Variants in MICU1 observed in about 807,000 individuals in gnomAD.
MICU1 encodes the protein calcium uptake protein 1, mitochondrial.
Under a neutral mutation model 56.8 loss-of-function variants are expected in MICU1, and 45 were observed. The observed-to-expected ratio is 0.79, with a 90% CI of 0.62 to 1.02. MICU1 has a LOEUF of 1.02. MICU1 is among the 50% of genes least tolerant of loss of function. MICU1 has a pLI of 0.00. For missense variants in MICU1, 504 were observed against 587.1 expected (o/e 0.86, Z 1.46); for synonymous variants, 186 against 195.1 (o/e 0.95, Z 0.39).
At chr10:72,402,969 T>A (rs1469913263) in intron 10 of MICU1, among the ~76,000 whole-genome samples, 1 of 152,160 alleles carries the variant, frequency 6.6e-6, no homozygotes, top group Non-Finnish European at 1.5e-5. Context: ...TGCTTGAGCC[T>A]TGGACATGGA....
chr10:72,453,852 TG>T (rs903079779), intron 8 of MICU1, among the ~76,000 whole-genome samples: 1 of 150,674 alleles, frequency 6.6e-6, no homozygotes, highest in African/African-American at 2.4e-5. Flanking sequence ...TATTCTTTTT[TG>T]AGATGGAGTT....
intron 10 of MICU1, among the ~76,000 whole-genome samples, chr10:72,389,896 A>C (rs948347954): frequency 1.3e-5 from 2 of 152,226 alleles, no homozygotes; most frequent in Non-Finnish European, 2.9e-5. Flanking sequence ...CAGACCACTT[A>C]AATCAATCAG....
intron 6 of MICU1, among the ~76,000 whole-genome samples, chr10:72,492,363 G>A (rs1866686353): frequency 6.6e-6 from 1 of 152,192 alleles, no homozygotes; most frequent in African/African-American, 2.4e-5. Flanking sequence ...TTAGACATGG[G>A]TAGTAGTAGC....
At chr10:72,385,914 G>C (rs1372814247) in intron 10 of MICU1, among the ~76,000 whole-genome samples, 1 of 152,172 alleles carries the variant, frequency 6.6e-6, no homozygotes, top group Non-Finnish European at 1.5e-5. Context: ...TGGTGGCAAG[G>C]AGCTGTAGTC....
rs754124319 is a variant in MICU1, at chr10:72,533,760, G to A, written c.523C>T (p.Arg175Cys). 80 of 1,601,302 alleles carry A rather than the reference G, an allele frequency of 5.0e-5. No homozygotes were observed. In the South Asian group the frequency reaches 7.6e-4, roughly 15 times the overall value. Residue 175 changes from arginine to cysteine, a missense_variant, in exon 5 of 12, where the codon CGC becomes TGC. Transcript: ENST00000361114. ...HLGLDQYIIK[R>C]FDGKKISQER... ...AGTTTGCTCACCTTTCCATCAAAGC[G>A]TTTTATTATATATTGATCCAGACCC...
At chr10:72,485,554 A>T (rs1866442126) in intron 6 of MICU1, among the ~76,000 whole-genome samples, 1 of 143,858 alleles carries the variant, frequency 7.0e-6, no homozygotes, top group African/African-American at 2.5e-5. Flanking sequence ...GTTTCCAGTT[A>T]AAAAAAAAAA....
At chr10:72,488,078 C>T (rs1403793015) in intron 6 of MICU1, among the ~76,000 whole-genome samples, 2 of 151,778 alleles carry the variant, frequency 1.3e-5, no homozygotes, top group Admixed American at 6.6e-5. Flanking sequence ...TGCCTGTAAT[C>T]CCAGCTACTC....
chr10:72,584,390 A>AT (rs1174327779), intron 1 of MICU1, among the ~76,000 whole-genome samples: 2 of 152,220 alleles, frequency 1.3e-5, no homozygotes, highest in Non-Finnish European at 2.9e-5. Context: ...AAAACCAACC[A>AT]TTCAGGTAAT....
At chr10:72,460,592 G>A (rs929606933) in intron 8 of MICU1, among the ~76,000 whole-genome samples, 5 of 152,116 alleles carry the variant, frequency 3.3e-5, no homozygotes, top group Admixed American at 2.6e-4. Flanking sequence ...ATAATCTGAT[G>A]TAATTTATGA....
intron 5 of MICU1, among the ~76,000 whole-genome samples, chr10:72,509,186 T>C (rs930592052): frequency 2.0e-5 from 3 of 152,208 alleles, no homozygotes; most frequent in African/African-American, 7.2e-5. Flanking sequence ...CCACAAGTTC[T>C]AGACCACCAA....
chr10:72,594,609 A>G (rs1038555084), intron 1 of MICU1, among the ~76,000 whole-genome samples: 1 of 152,156 alleles, frequency 6.6e-6, no homozygotes, highest in Middle Eastern at 3.2e-3. Context: ...TCAATGGAGT[A>G]AAAAGATAGC....
At chr10:72,616,586 TAAA>T in intron 1 of MICU1, among the ~76,000 whole-genome samples, 1 of 96,458 alleles carries the variant, frequency 1.0e-5, no homozygotes. Flanking sequence ...AAACTCCATC[TAAA>T]AAAAAAAAAA....
intron 10 of MICU1, among the ~76,000 whole-genome samples, chr10:72,382,149 C>T (rs915192527): frequency 6.6e-6 from 1 of 151,316 alleles, no homozygotes; most frequent in Non-Finnish European, 1.5e-5. Context: ...CTTGCTCTGT[C>T]GCCCAGGCTG....
In MICU1 at chr10:72,605,662, T is replaced by C. The variant is rs1354613212; in HGVS notation, c.-2+20348A>G. ...TATTTACCTAACAGTTACACTGTAG[T>C]AGATATGAGTAGTTTAGAGATGATT... On this transcript the variant is annotated intron_variant, in intron 1 of 11. Coordinates refer to ENST00000361114, the MANE Select transcript of MICU1 (RefSeq NM_001195518.2). 3.3e-5 allele frequency among the ~76,000 whole-genome samples: 5 copies of C among 152,156 alleles called. No individual in the cohort carries two copies. The East Asian group carries it at 9.6e-4, about 29-fold the overall frequency.
At chr10:72,426,483 G>A (rs999065495) in intron 8 of MICU1, among the ~76,000 whole-genome samples, 13 of 149,586 alleles carry the variant, frequency 8.7e-5, no homozygotes, top group African/African-American at 3.2e-4. Context: ...CTGCAGCCAC[G>A]ACCTCCTAGG....
chr10:72,566,830 G>C, intron 1 of MICU1, 36 bp from the exon 2 acceptor site: 1 of 1,555,230 alleles, frequency 6.4e-7, no homozygotes, highest in South Asian at 1.2e-5. Flanking sequence ...CTCTTAGCTA[G>C]TGGTAGTTAT....
chr10:72,598,811 C>T (rs1841445609), intron 1 of MICU1, among the ~76,000 whole-genome samples: 1 of 152,110 alleles, frequency 6.6e-6, no homozygotes, highest in Non-Finnish European at 1.5e-5. Context: ...CTGGAAAAAA[C>T]TATTTCAGAG....
At chr10:72,390,915 C>G (rs969881379) in intron 10 of MICU1, among the ~76,000 whole-genome samples, 1 of 152,208 alleles carries the variant, frequency 6.6e-6, no homozygotes, top group African/African-American at 2.4e-5. Context: ...TAGCACAGTA[C>G]CTATTGCTTT....
chr10:72,402,565 T>TA (rs1171168970), intron 10 of MICU1, among the ~76,000 whole-genome samples: 21 of 150,690 alleles, frequency 1.4e-4, no homozygotes, highest in African/African-American at 3.2e-4. Context: ...TTAGGTATAT[T>TA]AAAAAAAACA....
Sources: allele counts gnomAD v4.1 joint callset (sites outside exome capture counted in the v4.1 genomes callset), GRCh38; gene constraint gnomAD v4.1.1; transcripts MANE v1.5; gene names NCBI Gene and HGNC (gene_info 2026-07-23, HGNC 2026-07-21).